Variants in DOCK4 observed in about 807,000 individuals in gnomAD.
DOCK4 encodes dedicator of cytokinesis protein 4.
In DOCK4, 97 loss-of-function variants were observed where a neutral mutation model predicts 268.1. That is an observed-to-expected ratio of 0.36 (90% CI 0.31 to 0.43). The LOEUF (loss-of-function observed/expected upper bound fraction) is 0.43, where lower values mean the gene tolerates loss of function less well. Among genes scored for constraint, DOCK4 ranks in the 20% least tolerant of loss-of-function variants. DOCK4 has a pLI of 1.00. For missense variants in DOCK4, 2,145 were observed against 2,455.7 expected (o/e 0.87, Z 2.67); for synonymous variants, 954 against 887.2 (o/e 1.08, Z -1.34).
chr7:111,946,252 A>G (rs1795610644), intron 8 of DOCK4, among the ~76,000 whole-genome samples: 1 of 152,210 alleles, frequency 6.6e-6, no homozygotes, highest in South Asian at 2.1e-4. Flanking sequence ...ATGGTCTTAT[A>G]AGTCTCCAAT....
chr7:111,944,203 CATTATATAAGTG>C (rs1202359288), intron 10 of DOCK4, among the ~76,000 whole-genome samples: 5 of 152,164 alleles, frequency 3.3e-5, no homozygotes, highest in African/African-American at 1.2e-4. Context: ...ATAAGTGCTA[CATTATATAAGTG>C]TTTTCATAGT....
chr7:111,947,975 G>A (rs1263722813), intron 8 of DOCK4, among the ~76,000 whole-genome samples: 4 of 152,140 alleles, frequency 2.6e-5, no homozygotes, highest in African/African-American at 7.2e-5. Flanking sequence ...TGATTCTCCC[G>A]TCTTGGCCTC....
chr7:111,811,766 T>C (rs1173394340), intron 28 of DOCK4, 108 bp downstream of exon 28: 1 of 687,100 alleles, frequency 1.5e-6, no homozygotes, highest in African/African-American at 1.8e-5. Context: ...TGTTCTAATA[T>C]TCCTCATAGT....
intron 31 of DOCK4, chr7:111,789,400 T>A (rs1799384222): frequency 6.6e-6 from 1 of 152,670 alleles, no homozygotes; most frequent in Non-Finnish European, 1.5e-5. Flanking sequence ...CCTTTATCTA[T>A]GTCTATCTGA....
At chr7:111,990,988 C>T (rs1360696391) in intron 5 of DOCK4, among the ~76,000 whole-genome samples, 1 of 152,148 alleles carries the variant, frequency 6.6e-6, no homozygotes, top group East Asian at 1.9e-4. Flanking sequence ...CCACCCAAGT[C>T]AATAAAATTA....
At chr7:112,102,254 T>C (rs1374422239) in intron 1 of DOCK4, among the ~76,000 whole-genome samples, 1 of 152,112 alleles carries the variant, frequency 6.6e-6, no homozygotes, top group Non-Finnish European at 1.5e-5. Flanking sequence ...ATCTAATTAA[T>C]AGCAGGTCTC....
intron 1 of DOCK4, among the ~76,000 whole-genome samples, chr7:112,091,284 A>T (rs1586804298): frequency 6.6e-6 from 1 of 152,276 alleles, no homozygotes; most frequent in South Asian, 2.1e-4. Context: ...AATGAGAATT[A>T]AAGGGTATAC....
intron 22 of DOCK4, among the ~76,000 whole-genome samples, chr7:111,866,093 G>A (rs551175973): frequency 6.6e-6 from 1 of 152,294 alleles, no homozygotes; most frequent in South Asian, 2.1e-4. Flanking sequence ...GCTAATAAAT[G>A]AGTGTTGTTT....
At chr7:111,987,810 C>T (rs942815387) in intron 6 of DOCK4, among the ~76,000 whole-genome samples, 1 of 152,224 alleles carries the variant, frequency 6.6e-6, no homozygotes, top group Admixed American at 6.5e-5. Flanking sequence ...GCTGCCCCTC[C>T]ACATTTGTAC....
At chr7:112,008,445 A>T (rs17159141) in intron 1 of DOCK4, among the ~76,000 whole-genome samples, 1 of 152,162 alleles carries the variant, frequency 6.6e-6, no homozygotes, top group African/African-American at 2.4e-5. Flanking sequence ...TAATGATATC[A>T]GTTTAGTACG....
chr7:112,148,318 T>A (rs894125885), intron 1 of DOCK4, among the ~76,000 whole-genome samples: 4 of 152,146 alleles, frequency 2.6e-5, no homozygotes, highest in African/African-American at 9.7e-5. Flanking sequence ...GTCAGAAGAA[T>A]GGCTTAGAGC....
At position 111,767,070 on chromosome 7, in the gene DOCK4, C is replaced by T; in HGVS notation, c.3877G>A (p.Glu1293Lys). ...AGGTTTCTGTAGTCATAATAACTCT[C>T]ATACTGCTCTGCAATCTTCCGGCAC... ...ILCRKIAEQY[E>K]SYYDYRNLSK... The change falls in exon 38 of 53, where the codon GAG (glutamate) becomes AAG (lysine). Residue 1293 changes from glutamate (E) to lysine (K), a missense_variant. By Grantham distance (56) the Glu-to-Lys change is moderately conservative. Around this residue, in one of 2 missense-constraint regions of DOCK4, gnomAD observed 1,598 missense variants for 1,986.7 expected, o/e 0.80. Transcript: ENST00000428084. 1 of 1,613,820 alleles carries T rather than the reference C, an allele frequency of 6.2e-7. No homozygotes were observed. Among genetic ancestry groups the T allele is most frequent in the Non-Finnish European group, 8.5e-7 (1 of 1,179,820 alleles).
intron 1 of DOCK4, among the ~76,000 whole-genome samples, chr7:112,049,129 T>C (rs1805123914): frequency 6.6e-6 from 1 of 152,204 alleles, no homozygotes; most frequent in African/African-American, 2.4e-5. Flanking sequence ...GGTAAATATT[T>C]TTTTTTGAAT....
intron 30 of DOCK4, among the ~76,000 whole-genome samples, chr7:111,795,027 T>G (rs1048565841): frequency 6.6e-6 from 1 of 152,178 alleles, no homozygotes; most frequent in Non-Finnish European, 1.5e-5. Context: ...GAAGAGGGAT[T>G]TTTTTTATCT....
chr7:111,752,325 A>G (rs1167155995), intron 42 of DOCK4, among the ~76,000 whole-genome samples: 2 of 152,078 alleles, frequency 1.3e-5, no homozygotes, highest in Non-Finnish European at 2.9e-5. Context: ...AGGAGACTAC[A>G]GGGATAAGGG....
At chr7:112,114,887 C>T (rs1028616578) in intron 1 of DOCK4, among the ~76,000 whole-genome samples, 10 of 152,192 alleles carry the variant, frequency 6.6e-5, no homozygotes, top group African/African-American at 1.9e-4. Context: ...AGGCGGACAA[C>T]ATCTTACAAT....
intron 8 of DOCK4, among the ~76,000 whole-genome samples, chr7:111,972,564 T>C (rs2135079408): frequency 6.6e-6 from 1 of 152,276 alleles, no homozygotes; most frequent in East Asian, 1.9e-4. Flanking sequence ...TAATCCGTCC[T>C]CTACAGGTTT....
At chr7:111,923,376 T>G (rs1793322150) in intron 12 of DOCK4, among the ~76,000 whole-genome samples, 2 of 152,226 alleles carry the variant, frequency 1.3e-5, no homozygotes, top group Non-Finnish European at 2.9e-5. Context: ...CCAGCAGTTT[T>G]AAGATATTTA....
intron 1 of DOCK4, among the ~76,000 whole-genome samples, chr7:112,197,295 C>CA (rs397978122): frequency 0.17 from 21,823 of 130,732 alleles, 1,967 homozygotes; most frequent in African/African-American, 0.29. Flanking sequence ...ATATATTTAC[C>CA]AAAAAAAAAA....
Sources: gnomAD v4.1 joint callset for allele counts (sites outside exome capture counted in the v4.1 genomes callset) on GRCh38, gnomAD v4.1.1 for gene constraint, gnomAD v4.1.1 regional missense constraint, MANE v1.5 for transcripts, NCBI Gene and HGNC (gene_info 2026-07-23, HGNC 2026-07-21) for gene names.